ATF7IP: variants seen among roughly 807,000 people sequenced by gnomAD.
The protein encoded by ATF7IP is activating transcription factor 7 interacting protein, also known as activating transcription factor 7-interacting protein 1.
ATF7IP carries 23 observed loss-of-function variants against 106.4 expected under a neutral mutation model. The ratio of observed to expected loss-of-function variants is 0.22; its 90% CI spans 0.16 to 0.31. The LOEUF (loss-of-function observed/expected upper bound fraction) is 0.31. ATF7IP is among the 10% of genes least tolerant of loss of function. The pLI, the probability that ATF7IP is intolerant of heterozygous loss-of-function variation, is 1.00. For missense variants in ATF7IP, 1,334 were observed against 1,524.3 expected (o/e 0.88, Z 2.08); for synonymous variants, 542 against 539.0 (o/e 1.01, Z -0.08).
intron 1 of ATF7IP, among the ~76,000 whole-genome samples, chr12:14,409,956 C>T (rs1393478836): frequency 6.6e-6 from 1 of 152,042 alleles, no homozygotes; most frequent in Non-Finnish European, 1.5e-5. Context: ...TACAATTCAT[C>T]TGTTTGAGTG....
intron 1 of ATF7IP, among the ~76,000 whole-genome samples, chr12:14,404,396 T>G (rs1940438759): frequency 6.6e-6 from 1 of 152,208 alleles, no homozygotes; most frequent in African/African-American, 2.4e-5. Flanking sequence ...AGGCATTTGA[T>G]GAATATTGAA....
chr12:14,368,949 T>C (rs575735501), intron 1 of ATF7IP, among the ~76,000 whole-genome samples: 10 of 151,772 alleles, frequency 6.6e-5, no homozygotes. Flanking sequence ...TAAAATGTAC[T>C]GCCCCCCTTT....
chr12:14,460,520 T>G lies in ATF7IP; in HGVS notation c.2184T>G (p.Pro728=). 6.2e-7 allele frequency: 1 copy of G among 1,614,064 alleles called. No homozygotes were observed. The highest frequency in any genetic ancestry group is 8.5e-7 in the Non-Finnish European group (1 of 1,179,948). ...NTVSSTNLVT[P]PAVVSSQPKL... ...TATCTTCAACCAATCTTGTCACTCCTCCAGCAGTTGTCAGTAGTCAACCTA... is the reference window on the plus strand; with the variant it reads ...TATCTTCAACCAATCTTGTCACTCCGCCAGCAGTTGTCAGTAGTCAACCTA... Residue 728 remains proline (P), a synonymous_variant, in exon 9 of 15, where the codon CCT becomes CCG. Transcript: ENST00000261168.
In ATF7IP at chr12:14,496,330, C is replaced by T. The variant is rs749326968; in HGVS notation, c.3380C>T (p.Pro1127Leu). 3.7e-6 allele frequency: 6 copies of T among 1,612,250 alleles called. No homozygotes were observed. ...CAGCTCACAGTGCATCACCGACCAC[C>T]ACAAGTGCATACTGTAAGTGTTGAT... ...GPQLTVHHRP[P>L]QVHTEPPRPV... The change falls in exon 14 of 15, where the codon CCA becomes CTA. Residue 1127 changes from proline (P) to leucine (L), a missense_variant. Transcript: ENST00000261168.
At chr12:14,379,265 A>G (rs971696230) in intron 1 of ATF7IP, among the ~76,000 whole-genome samples, 1 of 151,960 alleles carries the variant, frequency 6.6e-6, no homozygotes, top group Non-Finnish European at 1.5e-5. Context: ...CTGCCATGTG[A>G]TGTGCATGCT....
intron 5 of ATF7IP, among the ~76,000 whole-genome samples, chr12:14,444,057 C>T (rs887889385): frequency 2.6e-5 from 4 of 152,092 alleles, no homozygotes. Context: ...CTTGATTCCT[C>T]TCAAATCACA....
chr12:14,482,695 A>G (rs957902394), intron 13 of ATF7IP: 1 of 152,208 alleles, frequency 6.6e-6, no homozygotes, highest in Non-Finnish European at 1.5e-5. Context: ...GCAACACCCT[A>G]ACAGACACAC....
intron 6 of ATF7IP, among the ~76,000 whole-genome samples, chr12:14,453,098 G>A (rs1428480307): frequency 1.3e-5 from 2 of 152,110 alleles, no homozygotes; most frequent in Non-Finnish European, 2.9e-5. Context: ...TCCCTTGTGT[G>A]TTGTTATGAG....
chr12:14,412,636 A>G (rs1017131758), intron 1 of ATF7IP, among the ~76,000 whole-genome samples: 8 of 152,076 alleles, frequency 5.3e-5, no homozygotes, highest in Admixed American at 4.6e-4. Flanking sequence ...ATTCTAATAA[A>G]TTTTTAGTTG....
intron 1 of ATF7IP, among the ~76,000 whole-genome samples, chr12:14,421,568 CT>C (rs1243298913): frequency 1.3e-5 from 2 of 152,134 alleles, no homozygotes; most frequent in Non-Finnish European, 2.9e-5. Flanking sequence ...AGATTTTCCC[CT>C]TTTTATAAGG....
intron 13 of ATF7IP, among the ~76,000 whole-genome samples, chr12:14,482,878 A>T (rs1354423378): frequency 6.6e-6 from 1 of 152,240 alleles, no homozygotes; most frequent in Admixed American, 6.5e-5. Flanking sequence ...TATCCTTTGT[A>T]CAACCGGAAA....
At chr12:14,401,166 A>C (rs987974124) in intron 1 of ATF7IP, among the ~76,000 whole-genome samples, 1 of 152,104 alleles carries the variant, frequency 6.6e-6, no homozygotes, top group Non-Finnish European at 1.5e-5. Context: ...TATTTATTTC[A>C]AAATCCATTT....
intron 12 of ATF7IP, among the ~76,000 whole-genome samples, 176 bp downstream of exon 12, chr12:14,478,648 C>T (rs774609147): frequency 1.3e-5 from 2 of 152,094 alleles, no homozygotes; most frequent in Non-Finnish European, 1.5e-5. Context: ...TCTTAAGCAG[C>T]GGCACTGGTA....
intron 1 of ATF7IP, among the ~76,000 whole-genome samples, chr12:14,379,643 GAA>G (rs1938919311): frequency 1.3e-5 from 2 of 152,110 alleles, no homozygotes; most frequent in South Asian, 4.1e-4. Context: ...ATGCATGTTT[GAA>G]AAAGGTCATT....
intron 14 of ATF7IP, among the ~76,000 whole-genome samples, chr12:14,496,967 T>C (rs1231411678): frequency 6.6e-6 from 1 of 152,186 alleles, no homozygotes. Context: ...AACCTACCTT[T>C]CCAGATTTTT....
chr12:14,384,872 TAA>T (rs34249435), intron 1 of ATF7IP, among the ~76,000 whole-genome samples: 6 of 135,540 alleles, frequency 4.4e-5, no homozygotes, highest in South Asian at 2.3e-4. Flanking sequence ...CTATAAAAGG[TAA>T]AAAAAAAAAA....
At chr12:14,480,433 T>C (rs145795880) in intron 12 of ATF7IP, among the ~76,000 whole-genome samples, 44 of 152,302 alleles carry the variant, frequency 2.9e-4, no homozygotes, top group African/African-American at 1.0e-3. Context: ...GTCTGTTGTT[T>C]AATGGATTTT....
rs751936828 is a variant in ATF7IP at position 14,460,967 on chromosome 12, A to G, written c.2631A>G (p.Thr877=). 3.7e-6 allele frequency: 6 copies of G among 1,614,176 alleles called. No homozygotes were observed. In the South Asian group the frequency reaches 5.5e-5, roughly 15 times the overall value. The part of the protein sequence containing the change: ...GTTLAVQAVP[T]AHSIVQATRT... ...CACTTGCTGTGCAGGCTGTTCCAAC[A>G]GCACACTCTATTGTACAAGCCACAA... The change falls in exon 9 of 15, where the codon ACA becomes ACG. Residue 877 remains threonine (T), a synonymous_variant. Transcript: ENST00000261168.
intron 1 of ATF7IP, among the ~76,000 whole-genome samples, chr12:14,397,572 G>A (rs1163446157): frequency 6.6e-6 from 1 of 152,098 alleles, no homozygotes; most frequent in Non-Finnish European, 1.5e-5. Context: ...TTGAGATGAA[G>A]TTGCCTTTCA....
Sources: gnomAD v4.1 joint callset for allele counts (sites outside exome capture counted in the v4.1 genomes callset) on GRCh38, gnomAD v4.1.1 for gene constraint, MANE v1.5 for transcripts, NCBI Gene and HGNC (gene_info 2026-07-23, HGNC 2026-07-21) for gene names.